COPG2: variants seen among roughly 807,000 people sequenced by gnomAD.
COPG2 encodes the protein coatomer subunit gamma-2.
A neutral mutation model predicts 46.3 loss-of-function variants in COPG2; 37 were observed. That is an observed-to-expected ratio of 0.80 (90% CI 0.61 to 1.05). The LOEUF (loss-of-function observed/expected upper bound fraction) is 1.05. Ranked by LOEUF, COPG2 falls within the 50% of genes least tolerant of loss-of-function variation. The pLI, the probability that COPG2 is intolerant of heterozygous loss-of-function variation, is 0.00. For missense variants in COPG2, 427 were observed against 387.8 expected (o/e 1.10, Z -0.85); for synonymous variants, 159 against 129.7 (o/e 1.23, Z -1.53).
chr7:130,529,866 A>G (rs1799806796), intron 20 of COPG2, among the ~76,000 whole-genome samples: 2 of 152,262 alleles, frequency 1.3e-5, no homozygotes, highest in Admixed American at 1.3e-4. Flanking sequence ...CACTGAATCC[A>G]CGTTTCTGCT....
chr7:130,588,762 G>A (rs36168485), intron 9 of COPG2, among the ~76,000 whole-genome samples: 64,272 of 151,856 alleles, frequency 0.42, 16,507 homozygotes, highest in East Asian at 0.59. Flanking sequence ...AAACCTGCAC[G>A]TTGTGCACAT....
chr7:130,668,051 C>T (rs544960209), intron 1 of COPG2, among the ~76,000 whole-genome samples: 19 of 152,268 alleles, frequency 1.2e-4, no homozygotes, highest in Admixed American at 2.0e-4. Context: ...TTGGCATCTT[C>T]CCCATTTGCT....
chr7:130,513,117 C>T (rs1367746884), intron 20 of COPG2, among the ~76,000 whole-genome samples: 1 of 150,878 alleles, frequency 6.6e-6, no homozygotes, highest in Non-Finnish European at 1.5e-5. Context: ...GAAACCCCAT[C>T]TCTACTAAAA....
At position 130,527,665 on chromosome 7, in the gene COPG2, G is replaced by T. The variant is rs960024061; in HGVS notation, c.2150-19006C>A. On this transcript the variant is annotated intron_variant, in intron 20 of 23. Coordinates refer to ENST00000425248, the MANE Select transcript of COPG2 (RefSeq NM_012133.6). The stretch of plus-strand genomic sequence containing the variant: ...GCCGCCTTGGGGTCCTGCATCCTCG[G>T]GTGAGAATCACTGGTGGACACGGGA... Among the ~76,000 whole-genome samples the T allele has an allele frequency of 3.3e-5, 5 of 152,246 alleles. 1 individual carries two copies. The South Asian group carries it at 1.0e-3, about 32-fold the overall frequency.
At chr7:130,629,327 G>GA (rs1162183660) in intron 5 of COPG2, among the ~76,000 whole-genome samples, 4 of 151,432 alleles carry the variant, frequency 2.6e-5, no homozygotes, top group South Asian at 2.1e-4. Flanking sequence ...TAATTTTGGG[G>GA]AAAAAAATGG....
intron 20 of COPG2, among the ~76,000 whole-genome samples, chr7:130,537,087 C>T (rs915612355): frequency 3.1e-4 from 47 of 152,064 alleles, no homozygotes; most frequent in Non-Finnish European, 5.0e-4. Context: ...TGGGTGCATT[C>T]GTACCGGGGG....
chr7:130,528,489 G>C (rs1461695350), intron 20 of COPG2, among the ~76,000 whole-genome samples: 3 of 151,996 alleles, frequency 2.0e-5, no homozygotes, highest in Non-Finnish European at 4.4e-5. Flanking sequence ...CGGAGCAGCG[G>C]GTGCGGGGCC....
rs893433769 is a variant in COPG2 at position 130,667,478 on chromosome 7, A to G, written c.90+4T>C. ...AAAGGGCACAAGATACTTCCCAGTC[A>G]TACCTCCTGTAAAACAGCACTCTTC... On this transcript the variant is annotated splice_donor_region_variant and intron_variant, in intron 2 of 23. Transcript: ENST00000425248. The G allele has an allele frequency of 1.3e-5, 21 of 1,612,786 alleles. No homozygotes were observed. The highest frequency in any genetic ancestry group is 1.7e-5 in the Non-Finnish European group (20 of 1,178,896).
At chr7:130,647,845 C>G (rs1305485166) in intron 5 of COPG2, among the ~76,000 whole-genome samples, 1 of 151,886 alleles carries the variant, frequency 6.6e-6, no homozygotes, top group Non-Finnish European at 1.5e-5. Context: ...ATTCTCCTGC[C>G]TCAGCCTCCT....
At chr7:130,623,434 G>C (rs1461638739) in intron 5 of COPG2, among the ~76,000 whole-genome samples, 1 of 152,162 alleles carries the variant, frequency 6.6e-6, no homozygotes, top group Non-Finnish European at 1.5e-5. Context: ...GTCTGTTCAT[G>C]TGCCAGTACC....
intron 7 of COPG2, among the ~76,000 whole-genome samples, chr7:130,612,740 C>T (rs555275099): frequency 1.3e-5 from 2 of 151,972 alleles, no homozygotes; most frequent in South Asian, 4.2e-4. Flanking sequence ...TGCTGAAAAA[C>T]GGAAAGAAAA....
At chr7:130,566,516 C>A (rs949410914) in intron 9 of COPG2, among the ~76,000 whole-genome samples, 1 of 152,122 alleles carries the variant, frequency 6.6e-6, no homozygotes, top group Non-Finnish European at 1.5e-5. Flanking sequence ...GATGAGAAGG[C>A]GAGGATTAAA....
In COPG2 at chr7:130,610,949, T is replaced by C. The variant is rs782691837; in HGVS notation, c.737+4A>G. ...ATAACCCAGGTTTAGGTGAAGACACTTACCCATCCTCAGTTTCTTTTAGTA... is the reference window on the plus strand; with the variant it reads ...ATAACCCAGGTTTAGGTGAAGACACCTACCCATCCTCAGTTTCTTTTAGTA... On this transcript the variant is annotated splice_donor_region_variant and intron_variant, in intron 9 of 23. Coordinates refer to ENST00000425248, the MANE Select transcript of COPG2 (RefSeq NM_012133.6). 1.9e-6 allele frequency: 3 copies of C among 1,613,852 alleles called. No homozygotes were observed. In the South Asian group the frequency reaches 3.3e-5, roughly 18 times the overall value.
intron 14 of COPG2, among the ~76,000 whole-genome samples, chr7:130,552,886 G>C (rs930632747): frequency 3.3e-5 from 5 of 152,206 alleles, no homozygotes; most frequent in African/African-American, 1.2e-4. Context: ...ATCTCAAGGA[G>C]CTACACTCTA....
chr7:130,606,399 G>T (rs1794733325), intron 9 of COPG2, among the ~76,000 whole-genome samples: 1 of 152,146 alleles, frequency 6.6e-6, no homozygotes, highest in African/African-American at 2.4e-5. Context: ...GGACACTGCT[G>T]GTCAGGGCTT....
intron 9 of COPG2, among the ~76,000 whole-genome samples, chr7:130,576,099 T>C (rs183530720): frequency 2.6e-5 from 4 of 152,194 alleles, no homozygotes; most frequent in Non-Finnish European, 4.4e-5. Context: ...AGAAATGAGA[T>C]AGATGGCAAC....
At position 130,667,530 on chromosome 7, in the gene COPG2, ACTAC is replaced by A; in HGVS notation, c.38_41del (p.Gly13ValfsTer42). The A allele has an allele frequency of 3.1e-6, 5 of 1,613,340 alleles. No homozygotes were observed. The highest frequency in any genetic ancestry group is 8.5e-7 in the Non-Finnish European group (1 of 1,179,486). On this transcript the variant is annotated frameshift_variant and splice_region_variant, in exon 2 of 24. Transcript: ENST00000425248. LOFTEE classifies it high-confidence loss of function. The stretch of plus-strand genomic sequence containing the variant: ...CCAGATGCTGGAAAGGATTGGAGCC[ACTAC>A]CTATTTATAAAACAAAACAAAAAAA...
At chr7:130,584,796 A>T (rs1025113070) in intron 9 of COPG2, among the ~76,000 whole-genome samples, 1 of 152,068 alleles carries the variant, frequency 6.6e-6, no homozygotes, top group African/African-American at 2.4e-5. Context: ...AACACTGCTG[A>T]AAGAAATCAT....
At chr7:130,526,691 A>T (rs1050829480) in intron 20 of COPG2, among the ~76,000 whole-genome samples, 3 of 151,808 alleles carry the variant, frequency 2.0e-5, no homozygotes, top group Non-Finnish European at 4.4e-5. Flanking sequence ...AAGGTTCAGC[A>T]TGGGGAAGGG....
Sources: gnomAD v4.1 joint callset for allele counts (sites outside exome capture counted in the v4.1 genomes callset) on GRCh38, gnomAD v4.1.1 for gene constraint, MANE v1.5 for transcripts, NCBI Gene and HGNC (gene_info 2026-07-23, HGNC 2026-07-21) for gene names.